The following OCIAD2 variants were observed in gnomAD, a reference collection of about 807,000 sequenced individuals.
OCIAD2 encodes the protein OCIA domain containing 2.
OCIAD2 carries 29 observed loss-of-function variants against 22.9 expected under a neutral mutation model. That is an observed-to-expected ratio of 1.27 (90% CI 0.94 to 1.73). The LOEUF (loss-of-function observed/expected upper bound fraction) is 1.73. Ranked by LOEUF, OCIAD2 falls within the 40% of genes most tolerant of loss-of-function variation. The pLI is 0.00. For synonymous variants in OCIAD2, 67 were observed against 60.2 expected (o/e 1.11, Z -0.52); for missense variants, 189 against 180.3 (o/e 1.05, Z -0.28).
chr4:48,893,785 A>C (rs1209091706), intron 5 of OCIAD2: 2 of 291,514 alleles, frequency 6.9e-6, no homozygotes, highest in Admixed American at 9.9e-5. Flanking sequence ...CAGTTTAGTT[A>C]GGCTGGACAT....
chr4:48,904,629 G>A lies in OCIAD2; in HGVS notation c.-62-18C>T, dbSNP rs1165758736. On this transcript the variant is annotated intron_variant, in intron 1 of 6. Transcript: ENST00000508632. ...CCCAGTGTCTAAGGAAGGTAGAAGA[G>A]AATCACTATGCCATGACTAAATGTT... is the stretch of plus-strand genomic sequence containing the variant. The A allele has an allele frequency of 1.6e-6, 2 of 1,221,818 alleles. No homozygotes were observed. Among genetic ancestry groups the A allele is most frequent in the Non-Finnish European group, 2.4e-6 (2 of 825,474 alleles). The allele number at this position is 1,221,818 out of a possible 1,614,324, so 75.7% of individuals were successfully genotyped here.
At chr4:48,899,235 T>G (rs113248987) in intron 3 of OCIAD2, among the ~76,000 whole-genome samples, 17 of 152,268 alleles carry the variant, frequency 1.1e-4, no homozygotes, top group Admixed American at 3.9e-4. Flanking sequence ...ATATCACACA[T>G]TTTTTTAATT....
chr4:48,889,941 C>T (rs1473350791), intron 6 of OCIAD2, among the ~76,000 whole-genome samples: 3 of 152,034 alleles, frequency 2.0e-5, no homozygotes, highest in Non-Finnish European at 4.4e-5. Flanking sequence ...AAAGGATGAG[C>T]TCATGTCCTT....
At chr4:48,894,347 G>A (rs1236712200) in intron 4 of OCIAD2, among the ~76,000 whole-genome samples, 8 of 152,008 alleles carry the variant, frequency 5.3e-5, no homozygotes. Context: ...ACAAAACTTA[G>A]CCAGGCATGA....
At chr4:48,900,032 T>C (rs1340957831) in intron 2 of OCIAD2, 107 bp from the exon 3 acceptor site, 14 of 716,086 alleles carry the variant, frequency 2.0e-5, no homozygotes, top group Non-Finnish European at 2.4e-5. Context: ...ACACAGTGTG[T>C]GTTCTCTACC....
At chr4:48,904,324 C>T (rs1461332690) in intron 2 of OCIAD2, among the ~76,000 whole-genome samples, 160 bp downstream of exon 2, 12 of 152,130 alleles carry the variant, frequency 7.9e-5, no homozygotes, top group African/African-American at 2.9e-4. Context: ...TGGGCCTGCA[C>T]CTGTCATCCC....
At chr4:48,896,587 A>G (rs1441712519) in intron 4 of OCIAD2, among the ~76,000 whole-genome samples, 1 of 152,082 alleles carries the variant, frequency 6.6e-6, no homozygotes. Context: ...TCTCAAAAAC[A>G]AACAAACGAA....
chr4:48,905,040 G>A (rs542526999), intron 1 of OCIAD2, among the ~76,000 whole-genome samples: 1 of 152,318 alleles, frequency 6.6e-6, no homozygotes, highest in East Asian at 1.9e-4. Context: ...GGACTCCTAA[G>A]CTTTCAGGAG....
chr4:48,900,813 C>CA (rs1398993292), intron 2 of OCIAD2, among the ~76,000 whole-genome samples: 2 of 152,030 alleles, frequency 1.3e-5, no homozygotes, highest in African/African-American at 4.8e-5. Flanking sequence ...AGGCTGGTCT[C>CA]AAACTCCTGA....
chr4:48,899,776 A>C, intron 3 of OCIAD2, 53 bp downstream of exon 3: 2 of 1,229,104 alleles, frequency 1.6e-6, no homozygotes, highest in Non-Finnish European at 2.4e-6. Flanking sequence ...CCACAATTCT[A>C]ATATGATATT....
At chr4:48,894,681 A>G (rs983050083) in intron 4 of OCIAD2, among the ~76,000 whole-genome samples, 2 of 152,212 alleles carry the variant, frequency 1.3e-5, no homozygotes, top group Admixed American at 1.3e-4. Context: ...GAGATTAGTC[A>G]TCATCCTCTT....
Position 48,899,847 on chromosome 4 carries a change from C to G in OCIAD2, c.145G>C (p.Glu49Gln). 6.2e-7 allele frequency: 1 copy of G among 1,613,452 alleles called. No individual in the cohort carries two copies. Among genetic ancestry groups the G allele is most frequent in the Non-Finnish European group, 8.5e-7 (1 of 1,179,734 alleles). Residue 49 changes from glutamate (E) to glutamine (Q), a missense_variant, in exon 3 of 7, where the codon GAA (glutamate) becomes CAA (glutamine). Glu to Gln is a conservative substitution (Grantham distance 29). Transcript: ENST00000508632. Reference protein sequence around the residue: ...ISKIMRECQEESFWKRALPFS... With the variant: ...ISKIMRECQEQSFWKRALPFS... ...CAATTACCTCTCTTCCAGAAACTTT[C>G]TTCCTGACATTCTCGCATAATCTTT...
intron 6 of OCIAD2, among the ~76,000 whole-genome samples, chr4:48,888,547 G>A (rs1010584475): frequency 1.3e-5 from 2 of 152,106 alleles, no homozygotes; most frequent in African/African-American, 4.8e-5. Flanking sequence ...TAGCATGAAG[G>A]GCTATTGGAT....
intron 3 of OCIAD2, among the ~76,000 whole-genome samples, chr4:48,898,397 C>T (rs1781345653): frequency 6.6e-6 from 1 of 152,070 alleles, no homozygotes; most frequent in African/African-American, 2.4e-5. Context: ...CTCTTTGTCA[C>T]TAAATACTTC....
chr4:48,900,382 G>T (rs956297843), intron 2 of OCIAD2, among the ~76,000 whole-genome samples: 1 of 152,090 alleles, frequency 6.6e-6, no homozygotes, highest in African/African-American at 2.4e-5. Flanking sequence ...CACACTCAGA[G>T]AACCTATGTA....
chr4:48,899,438 C>CTAGG (rs1207849404), intron 3 of OCIAD2, among the ~76,000 whole-genome samples: 1 of 152,174 alleles, frequency 6.6e-6, no homozygotes, highest in Non-Finnish European at 1.5e-5. Flanking sequence ...GGGCACTGTG[C>CTAGG]TAGGCTCTAG....
At chr4:48,899,648 A>T (rs1781373695) in intron 3 of OCIAD2, among the ~76,000 whole-genome samples, 181 bp downstream of exon 3, 2 of 152,172 alleles carry the variant, frequency 1.3e-5, no homozygotes, top group Admixed American at 1.3e-4. Context: ...GTGCTCCTTA[A>T]TCAGATATTA....
intron 4 of OCIAD2, among the ~76,000 whole-genome samples, chr4:48,896,280 A>G (rs769393494): frequency 2.0e-5 from 3 of 151,876 alleles, no homozygotes; most frequent in Non-Finnish European, 2.9e-5. Context: ...ACTGGTACAA[A>G]TGTTCCTTTT....
At chr4:48,886,237 G>C (rs1780982768) in intron 6 of OCIAD2, among the ~76,000 whole-genome samples, 1 of 152,160 alleles carries the variant, frequency 6.6e-6, no homozygotes, top group Non-Finnish European at 1.5e-5. Context: ...GATGGTTGTA[G>C]ATGTGTGGTA....
Sources: allele counts gnomAD v4.1 joint callset (sites outside exome capture counted in the v4.1 genomes callset), GRCh38; gene constraint gnomAD v4.1.1; transcripts MANE v1.5; gene names NCBI Gene and HGNC (gene_info 2026-07-23, HGNC 2026-07-21).